Variants in RNF38 observed in about 807,000 individuals in gnomAD.
RNF38 encodes the protein ring finger protein 38, also known as E3 ubiquitin-protein ligase RNF38.
A neutral mutation model predicts 67.2 loss-of-function variants in RNF38; 15 were observed. That is an observed-to-expected ratio of 0.22 (90% CI 0.15 to 0.34). The LOEUF (loss-of-function observed/expected upper bound fraction) is 0.34. Among genes scored for constraint, RNF38 ranks in the 10% least tolerant of loss-of-function variants. The pLI is 1.00. For missense variants in RNF38, 524 were observed against 639.9 expected (o/e 0.82, Z 1.95); for synonymous variants, 220 against 218.8 (o/e 1.01, Z -0.05).
intron 2 of RNF38, among the ~76,000 whole-genome samples, chr9:36,407,667 T>G (rs1384874618): frequency 9.9e-5 from 15 of 152,166 alleles, no homozygotes; most frequent in Admixed American, 9.8e-4. Context: ...ACCTATACTC[T>G]TTGAAGCCAC....
Position 36,337,272 on chromosome 9 carries a change from G to C in RNF38, c.*2480C>G, listed in dbSNP as rs1487181316. On this transcript the variant is annotated 3_prime_UTR_variant, in exon 12 of 12. Coordinates refer to ENST00000259605, the MANE Select transcript of RNF38 (RefSeq NM_022781.5). ...GATACACACTAACCACAATAAGCAA[G>C]TCTGCACACATCTCTATGAGCCCCA... 3 of 152,384 alleles carry C rather than the reference G, an allele frequency of 2.0e-5. No homozygotes were observed. Among genetic ancestry groups the C allele is most frequent in the Non-Finnish European group, 4.4e-5 (3 of 68,048 alleles). The allele number at this position is 152,384 out of a possible 1,614,324, so 9.4% of individuals were successfully genotyped here. A position where few individuals can be genotyped will look rare whatever the true frequency, so the allele number is the denominator to read the frequency against.
At chr9:36,389,228 T>C (rs770518758) in intron 2 of RNF38, among the ~76,000 whole-genome samples, 1 of 152,200 alleles carries the variant, frequency 6.6e-6, no homozygotes, top group Admixed American at 6.5e-5. Flanking sequence ...ATTGGCTCTT[T>C]GTTTTGTTTT....
intron 2 of RNF38, among the ~76,000 whole-genome samples, chr9:36,385,304 T>TCC (rs1836523974): frequency 6.6e-6 from 1 of 151,576 alleles, no homozygotes; most frequent in Non-Finnish European, 1.5e-5. Flanking sequence ...CCAAAGCACT[T>TCC]CCCAAAGCCA....
intron 4 of RNF38, among the ~76,000 whole-genome samples, chr9:36,366,653 C>T (rs1834990422): frequency 1.3e-5 from 2 of 152,146 alleles, no homozygotes; most frequent in African/African-American, 4.8e-5. Flanking sequence ...CTTGTCTTTT[C>T]TGCTGGCTTG....
At chr9:36,347,465 G>C (rs1292252043) in intron 9 of RNF38, among the ~76,000 whole-genome samples, 1 of 152,140 alleles carries the variant, frequency 6.6e-6, no homozygotes, top group Non-Finnish European at 1.5e-5. Context: ...ATATCCTGGT[G>C]TCACATTTTG....
rs143601104 is a variant in RNF38 at position 36,456,457 on chromosome 9, A to G, written n.241+30851T>C. ...TCACTAAAATGCAAAGTAATTTTAAACTTTTCATGACACATAAACATCGCT... is the reference window on the plus strand; with the variant it reads ...TCACTAAAATGCAAAGTAATTTTAAGCTTTTCATGACACATAAACATCGCT... On this transcript the variant is annotated intron_variant and non_coding_transcript_variant, in intron 1 of 3. Transcript: ENST00000488058. Among the ~76,000 whole-genome samples the G allele has an allele frequency of 4.6e-3, 687 of 150,816 alleles. 7 individuals are homozygous for G. The highest frequency in any genetic ancestry group is 0.017 in the Middle Eastern group (5 of 288).
At chr9:36,339,897 C>A in intron 11 of RNF38, 83 bp from the exon 12 acceptor site, 1 of 1,179,712 alleles carries the variant, frequency 8.5e-7, no homozygotes. Flanking sequence ...CTTTTACTTC[C>A]CACAGTTTTT....
intron 3 of RNF38, among the ~76,000 whole-genome samples, chr9:36,371,611 T>A (rs1337824238): frequency 6.6e-6 from 1 of 151,850 alleles, no homozygotes; most frequent in Non-Finnish European, 1.5e-5. Context: ...CAAGCCCAGT[T>A]AATTTTTTTT....
chr9:36,397,081 G>GTGTGTGTA (rs147500340), intron 1 of RNF38, among the ~76,000 whole-genome samples: 5 of 141,648 alleles, frequency 3.5e-5, no homozygotes, highest in African/African-American at 1.3e-4. Context: ...ATGTGTGTGT[G>GTGTGTGTA]TATATATATA....
At chr9:36,392,074 G>C (rs1352996463) in intron 1 of RNF38, among the ~76,000 whole-genome samples, 2 of 152,198 alleles carry the variant, frequency 1.3e-5, no homozygotes, top group Non-Finnish European at 2.9e-5. Flanking sequence ...AGTATGGCTA[G>C]ATAGTAAGGA....
rs912551103 is a variant in RNF38 at position 36,338,489 on chromosome 9, G to A, written c.*1263C>T. On this transcript the variant is annotated 3_prime_UTR_variant, in exon 12 of 12. Transcript: ENST00000259605. ...TGATCCATCCTGAAACCAGGGTTTC[G>A]ATGAGAAGCACGTGTGATGAAGGAA... 4 of 152,202 alleles carry A rather than the reference G, an allele frequency of 2.6e-5. No individual in the cohort carries two copies. The highest frequency in any genetic ancestry group is 5.9e-5 in the Non-Finnish European group (4 of 68,032). 9.4% of individuals were successfully genotyped at this position (152,202 alleles called of 1,614,324 possible).
chr9:36,408,599 T>G (rs1266250386), intron 2 of RNF38, among the ~76,000 whole-genome samples: 2 of 152,116 alleles, frequency 1.3e-5, no homozygotes. Flanking sequence ...CAAACTATAA[T>G]CTAGGAGCTG....
intron 1 of RNF38, among the ~76,000 whole-genome samples, chr9:36,428,011 A>T (rs938720854): frequency 1.3e-5 from 2 of 151,358 alleles, no homozygotes; most frequent in Non-Finnish European, 2.9e-5. Context: ...CACCCAGACA[A>T]ATTTCTCAGC....
chr9:36,407,971 CATACAT>C lies in RNF38; in HGVS notation n.312+16636_312+16641del, dbSNP rs577442066. 2.4e-3 allele frequency among the ~76,000 whole-genome samples: 367 copies of C among 152,250 alleles called. 2 individuals carry two copies. Among genetic ancestry groups the C allele is most frequent in the African/African-American group, 7.6e-3 (316 of 41,538 alleles). ...CAAAGCTATTATTAATATTCTTGTA[CATACAT>C]ATAGTTTGGCAAGCATTTGAAAATA... On this transcript the variant is annotated intron_variant and non_coding_transcript_variant, in intron 2 of 3. Coordinates refer to the RNF38 transcript ENST00000488058.
chr9:36,354,864 A>G (rs1008857255), intron 6 of RNF38, among the ~76,000 whole-genome samples: 2 of 152,166 alleles, frequency 1.3e-5, no homozygotes, highest in African/African-American at 4.8e-5. Context: ...ACTAAGCTTT[A>G]ATTTGGAAGC....
intron 9 of RNF38, among the ~76,000 whole-genome samples, chr9:36,347,057 T>C (rs960028204): frequency 3.2e-5 from 4 of 123,270 alleles, no homozygotes; most frequent in African/African-American, 1.2e-4. Flanking sequence ...GAGGCAGAGG[T>C]TGCAGTGAGC....
At chr9:36,421,858 T>C (rs1161736588) in intron 2 of RNF38, among the ~76,000 whole-genome samples, 2 of 152,010 alleles carry the variant, frequency 1.3e-5, no homozygotes, top group African/African-American at 4.8e-5. Flanking sequence ...CAGGGGGCTG[T>C]TGTATATGTA....
intron 3 of RNF38, chr9:36,372,500 G>T: frequency 1.4e-6 from 1 of 710,326 alleles, no homozygotes; most frequent in Non-Finnish European, 2.6e-6. Flanking sequence ...GCTCACCTCT[G>T]TAACTGAAAT....
At chr9:36,380,247 T>C (rs1836109487) in intron 2 of RNF38, among the ~76,000 whole-genome samples, 1 of 152,240 alleles carries the variant, frequency 6.6e-6, no homozygotes, top group South Asian at 2.1e-4. Context: ...GTTGCCCAGG[T>C]AGAGTGCAAT....
Sources: gnomAD v4.1 joint callset for allele counts (sites outside exome capture counted in the v4.1 genomes callset) on GRCh38, gnomAD v4.1.1 for gene constraint, MANE v1.5 for transcripts, NCBI Gene and HGNC (gene_info 2026-07-23, HGNC 2026-07-21) for gene names.